PKD1L3: variants seen among roughly 807,000 people sequenced by gnomAD.
PKD1L3 encodes polycystin 1 like 3, transient receptor potential channel interacting.
Under a neutral mutation model 184.1 loss-of-function variants are expected in PKD1L3, and 239 were observed. That is an observed-to-expected ratio of 1.30 (90% CI 1.17 to 1.45). The LOEUF (loss-of-function observed/expected upper bound fraction) is 1.45, where lower values mean the gene tolerates loss of function less well. Ranked by LOEUF, PKD1L3 falls within the 40% of genes most tolerant of loss-of-function variation. The pLI is 0.00. For missense variants in PKD1L3, 2,660 were observed against 2,067.2 expected, an observed-to-expected ratio of 1.29 and a Z score of -5.56; for synonymous variants, 996 against 778.8, an observed-to-expected ratio of 1.28 and a Z score of -4.64.
chr16:71,970,104 A>T lies in PKD1L3; in HGVS notation c.1955T>A (p.Val652Asp), dbSNP rs973073805. ...NQTWSSAGCQ[V>D]GPQSTILRTQ... Reference sequence around the variant, plus strand: ...CCTCAGAATTGTGCTCTGTGGCCCAACCTGGAATTAGAATCAAGACGTTGA... The same window carrying T: ...CCTCAGAATTGTGCTCTGTGGCCCATCCTGGAATTAGAATCAAGACGTTGA... The change falls in exon 13 of 30, where the codon GTT becomes GAT. Residue 652 changes from valine (V) to aspartate (D), a missense_variant and splice_region_variant. Coordinates refer to ENST00000620267, the MANE Select transcript of PKD1L3 (RefSeq NM_181536.2). 1 of 1,550,904 alleles carries T rather than the reference A, an allele frequency of 6.4e-7. No homozygotes were observed. The highest frequency in any genetic ancestry group is 2.4e-5 in the East Asian group (1 of 40,918).
intron 18 of PKD1L3, among the ~76,000 whole-genome samples, chr16:71,952,637 C>T (rs2038886397): frequency 1.9e-5 from 1 of 52,640 alleles, no homozygotes; most frequent in Admixed American, 2.2e-4. Context: ...GGGTTTGAGA[C>T]CAGCCTGGGT....
chr16:71,958,151 G>A (rs1255459368), intron 16 of PKD1L3, among the ~76,000 whole-genome samples: 1 of 151,996 alleles, frequency 6.6e-6, no homozygotes, highest in Non-Finnish European at 1.5e-5. Context: ...ACTTTGGGAG[G>A]CCGAGGCGGG....
rs201167023 is a variant in PKD1L3 at position 71,930,099 on chromosome 16, C to A, written c.5011G>T (p.Val1671Phe). The part of the protein sequence containing the change: ...LMVLVVINLF[V>F]SAILMAFGKE... The stretch of plus-strand genomic sequence containing the variant: ...CCAAAGGCCATGAGAATGGCCGAAA[C>A]GAAAAGATTAATTACCACAAGTACC... Residue 1671 changes from valine (V) to phenylalanine (F), a missense_variant, in exon 29 of 30, where the codon GTT becomes TTT. Transcript: ENST00000620267. 6.4e-7 allele frequency: 1 copy of A among 1,551,304 alleles called. No homozygotes were observed. Among genetic ancestry groups the A allele is most frequent in the Non-Finnish European group, 8.7e-7 (1 of 1,146,850 alleles).
chr16:71,965,125 G>A (rs777240160), intron 15 of PKD1L3, among the ~76,000 whole-genome samples: 3 of 152,136 alleles, frequency 2.0e-5, no homozygotes, highest in African/African-American at 4.8e-5. Flanking sequence ...TGAGATTAGA[G>A]GTGTGAGCCA....
At position 71,979,883 on chromosome 16, in the gene PKD1L3, G is replaced by C; in HGVS notation, c.1301C>G (p.Ser434Cys). Residue 434 changes from serine (S) to cysteine (C), a missense_variant, in exon 9 of 30, where the codon TCT (serine) becomes TGT (cysteine). Coordinates refer to ENST00000620267, the MANE Select transcript of PKD1L3 (RefSeq NM_181536.2). ...RQNISTLPLS[S>C]YTLGHPAPVR... The stretch of plus-strand genomic sequence containing the variant: ...AGGGGCTGGGTGACCCAGAGTGTAA[G>C]AGCTCAGCGGTAAAGTTGATATGTT... 3.9e-6 allele frequency: 6 copies of C among 1,548,062 alleles called. No individual in the cohort carries two copies. Among genetic ancestry groups the C allele is most frequent in the Non-Finnish European group, 3.5e-6 (4 of 1,146,278 alleles).
chr16:71,977,459 G>C lies in PKD1L3; in HGVS notation c.1536C>G (p.Leu512=). The C allele has an allele frequency of 6.5e-7, 1 of 1,546,410 alleles. No homozygotes were observed. The highest frequency in any genetic ancestry group is 8.8e-7 in the Non-Finnish European group (1 of 1,142,356). The change falls in exon 11 of 30, where the codon CTC becomes CTG. Residue 512 remains leucine (L), a synonymous_variant. Coordinates refer to ENST00000620267, the MANE Select transcript of PKD1L3 (RefSeq NM_181536.2). Reference sequence around the variant, plus strand: ...GGGTTTCCAAGCTAACATTTCTCCAGAGCATGATCTAGAATAAGAGACAGT... The same window carrying C: ...GGGTTTCCAAGCTAACATTTCTCCACAGCATGATCTAGAATAAGAGACAGT... ...HDLMEDIEIM[L]WRNVSLETHP...
At position 71,942,698 on chromosome 16, in the gene PKD1L3, TG is replaced by T. The variant is rs2038402482; in HGVS notation, c.4185del (p.Lys1396ArgfsTer9). On this transcript the variant is annotated frameshift_variant, in exon 24 of 30. Transcript: ENST00000620267. LOFTEE classifies it high-confidence loss of function. ...AGATGAAGTCCAGGGAATAGGCTCT[TG>T]GGACGCCCACAGGTATGGCCGTTAT... Reference protein sequence around the residue: ...FCDNGHTCGRPKSLFPGLHLR... With the variant: ...FCDNGHTCGRXKSLFPGLHLR... 1 of 1,551,730 alleles carries T rather than the reference TG, an allele frequency of 6.4e-7. No homozygotes were observed. Among genetic ancestry groups the T allele is most frequent in the African/African-American group, 1.4e-5 (1 of 73,170 alleles).
intron 11 of PKD1L3, among the ~76,000 whole-genome samples, chr16:71,976,794 G>C (rs908337840): frequency 6.6e-6 from 1 of 152,098 alleles, no homozygotes; most frequent in African/African-American, 2.4e-5. Context: ...CCAGGCTGGA[G>C]TGCAGTGGCA....
At chr16:71,970,227 G>C in intron 12 of PKD1L3, 122 bp from the exon 13 acceptor site, 1 of 753,974 alleles carries the variant, frequency 1.3e-6, no homozygotes, top group South Asian at 1.8e-5. Flanking sequence ...TTCACAGCTG[G>C]TGATGGCGTA....
At chr16:71,930,726 T>C (rs1289041380) in intron 28 of PKD1L3, 1 of 152,190 alleles carries the variant, frequency 6.6e-6, no homozygotes, top group Non-Finnish European at 1.5e-5. Context: ...TCTGCATACA[T>C]AAATATCAAG....
rs377444616 is a variant in PKD1L3 at position 71,954,193 on chromosome 16, A to G, written c.2721T>C (p.Ser907=). ...WNQFTRVQRL[S]CCMTLLLCNM... The stretch of plus-strand genomic sequence containing the variant: ...TGCAGAGTAGCAGTGTCATGCAGCA[A>G]GACAGCCGTTGGACCCTTGTAAACT... The change falls in exon 17 of 30, where the codon TCT becomes TCC. Residue 907 remains serine, a synonymous_variant. Transcript: ENST00000620267. 63 of 1,551,892 alleles carry G rather than the reference A, an allele frequency of 4.1e-5. No homozygotes were observed. In the African/African-American group the frequency reaches 7.0e-4, roughly 17 times the overall value.
At chr16:71,947,904 G>C (rs2038680786) in intron 21 of PKD1L3, among the ~76,000 whole-genome samples, 1 of 145,030 alleles carries the variant, frequency 6.9e-6, no homozygotes, top group African/African-American at 2.5e-5. Context: ...GAAAACCTCT[G>C]ATAAAGATCC....
intron 5 of PKD1L3, among the ~76,000 whole-genome samples, chr16:71,984,785 G>C (rs1422275206): frequency 1.3e-5 from 2 of 152,154 alleles, no homozygotes; most frequent in African/African-American, 2.4e-5. Flanking sequence ...CTTGAACCCG[G>C]GAGGCAGAGG....
At position 71,930,065 on chromosome 16, in the gene PKD1L3, C is replaced by G; in HGVS notation, c.5045G>C (p.Arg1682Thr). 6.5e-7 allele frequency: 1 copy of G among 1,548,900 alleles called. No individual in the cohort carries two copies. The highest frequency in any genetic ancestry group is 1.4e-5 in the African/African-American group (1 of 72,946). Residue 1682 changes from arginine (R) to threonine (T), a missense_variant, in exon 29 of 30, where the codon AGA (arginine) becomes ACA (threonine). Physicochemically the swap from Arg to Thr is moderately conservative, Grantham distance 71 (BLOSUM62 -1). Transcript: ENST00000620267. ...SAILMAFGKERKSLKKEAALI... is the reference protein window; with the variant it reads ...SAILMAFGKETKSLKKEAALI... ...TTAGTTACCTACCTTAAGCGACTTT[C>G]TTTCTTTTCCAAAGGCCATGAGAAT... is the stretch of plus-strand genomic sequence containing the variant.
rs1271847573 is a variant in PKD1L3 at position 71,999,688 on chromosome 16, G to A, written c.291C>T (p.Tyr97=). 19 of 1,544,604 alleles carry A rather than the reference G, an allele frequency of 1.2e-5. No individual in the cohort carries two copies. The highest frequency in any genetic ancestry group is 2.5e-5 in the East Asian group (1 of 40,764). ...MPLKKHQDNK[Y]PADVAANGPP... ...CACTGAACCCCAGGGTCTTACCTGG[G>A]TATTTGTTGTCTTGATGCTTTTTCA... Residue 97 remains tyrosine, a synonymous_variant, in exon 1 of 30, where the codon TAC becomes TAT. Coordinates refer to ENST00000620267, the MANE Select transcript of PKD1L3 (RefSeq NM_181536.2).
intron 23 of PKD1L3, among the ~76,000 whole-genome samples, chr16:71,943,644 G>A (rs2038448578): frequency 1.3e-5 from 2 of 151,670 alleles, no homozygotes; most frequent in South Asian, 4.1e-4. Flanking sequence ...TTTACAAGAA[G>A]TGAAGTCATG....
intron 13 of PKD1L3, among the ~76,000 whole-genome samples, chr16:71,968,275 C>G (rs2039576279): frequency 6.6e-6 from 1 of 152,158 alleles, no homozygotes; most frequent in Non-Finnish European, 1.5e-5. Flanking sequence ...ATCCTTCCAC[C>G]TCCTTCCCAC....
chr16:71,959,026 G>A lies in PKD1L3; in HGVS notation c.2612+4179C>T, dbSNP rs1241698502. On this transcript the variant is annotated intron_variant, in intron 16 of 29. Transcript: ENST00000620267. ...TTGAACGTGGGAGGCAGAGGTTATA[G>A]TAAGCTGAGATTGCACCACTGCACT... is the stretch of plus-strand genomic sequence containing the variant. Among the ~76,000 whole-genome samples, 4 of 137,496 alleles carry A rather than the reference G, an allele frequency of 2.9e-5. No individual in the cohort carries two copies. The Admixed American group carries it at 3.2e-4, about 11-fold the overall frequency. 90.2% of individuals were successfully genotyped at this position (137,496 alleles called of 152,430 possible).
intron 11 of PKD1L3, among the ~76,000 whole-genome samples, chr16:71,976,003 A>C (rs2039905862): frequency 6.6e-6 from 1 of 150,912 alleles, no homozygotes; most frequent in African/African-American, 2.4e-5. Flanking sequence ...GCTGGACAGC[A>C]GTGGCACAAT....
Sources: gnomAD v4.1 joint callset for allele counts (sites outside exome capture counted in the v4.1 genomes callset) on GRCh38, gnomAD v4.1.1 for gene constraint, MANE v1.5 for transcripts, NCBI Gene and HGNC (gene_info 2026-07-23, HGNC 2026-07-21) for gene names.